MAGI2: variants seen among roughly 807,000 people sequenced by gnomAD.
The protein encoded by MAGI2 is membrane associated guanylate kinase, WW and PDZ domain containing 2, also known as membrane-associated guanylate kinase, WW and PDZ domain-containing protein 2.
A neutral mutation model predicts 133.3 loss-of-function variants in MAGI2; 35 were observed. The observed-to-expected ratio is 0.26, with a 90% confidence interval of 0.20 to 0.35. MAGI2 has a LOEUF of 0.35. Ranked by LOEUF, MAGI2 falls within the 10% of genes least tolerant of loss-of-function variation. MAGI2 has a pLI of 1.00. For synonymous variants in MAGI2, 729 were observed against 710.6 expected (o/e 1.03, Z -0.41); for missense variants, 1,636 against 1,863.4 (o/e 0.88, Z 2.25).
intron 6 of MAGI2, among the ~76,000 whole-genome samples, chr7:78,383,640 G>A (rs556616407): frequency 2.0e-5 from 3 of 151,960 alleles, no homozygotes; most frequent in Non-Finnish European, 4.4e-5. Flanking sequence ...TTTGTTCTCT[G>A]TGCTTTTGAG....
chr7:78,809,927 T>C (rs1200979299), intron 2 of MAGI2, among the ~76,000 whole-genome samples: 1 of 152,162 alleles, frequency 6.6e-6, no homozygotes, highest in Non-Finnish European at 1.5e-5. Context: ...GTAAAGCAAT[T>C]CCTAAATCCT....
chr7:79,090,526 C>G (rs1326242300), intron 1 of MAGI2, among the ~76,000 whole-genome samples: 2 of 152,088 alleles, frequency 1.3e-5, no homozygotes, highest in African/African-American at 2.4e-5. Context: ...AGAACATTTT[C>G]TTAAAGCTTT....
At chr7:78,229,522 G>A (rs78155980) in intron 10 of MAGI2, among the ~76,000 whole-genome samples, 4 of 152,262 alleles carry the variant, frequency 2.6e-5, no homozygotes, top group East Asian at 1.9e-4. Context: ...CAAATGGGGC[G>A]AGCTTCACGT....
At chr7:79,364,316 C>T (rs937796938) in intron 1 of MAGI2, among the ~76,000 whole-genome samples, 2 of 151,916 alleles carry the variant, frequency 1.3e-5, no homozygotes, top group African/African-American at 4.8e-5. Context: ...ATATGTATTA[C>T]ATTTTTAAAA....
chr7:78,339,679 T>C (rs1178009210), intron 9 of MAGI2, among the ~76,000 whole-genome samples: 1 of 152,246 alleles, frequency 6.6e-6, no homozygotes, highest in Non-Finnish European at 1.5e-5. Context: ...GTAATTTTTA[T>C]TGAAACATTT....
intron 2 of MAGI2, among the ~76,000 whole-genome samples, chr7:78,849,070 TCA>T (rs997009302): frequency 6.6e-6 from 1 of 152,098 alleles, no homozygotes; most frequent in Admixed American, 6.6e-5. Context: ...CAAATTTATT[TCA>T]CCTTAAGGAT....
intron 20 of MAGI2, among the ~76,000 whole-genome samples, chr7:78,092,354 C>T (rs567101368): frequency 6.6e-6 from 1 of 152,274 alleles, no homozygotes; most frequent in African/African-American, 2.4e-5. Flanking sequence ...AGTAGCAGTG[C>T]ATCACTATCA....
intron 20 of MAGI2, among the ~76,000 whole-genome samples, chr7:78,110,467 T>G (rs1819244963): frequency 6.6e-6 from 1 of 152,180 alleles, no homozygotes; most frequent in African/African-American, 2.4e-5. Context: ...AATAGGCAGT[T>G]GGAAATTCAG....
At chr7:78,969,407 T>C (rs1803597442) in intron 2 of MAGI2, among the ~76,000 whole-genome samples, 1 of 152,054 alleles carries the variant, frequency 6.6e-6, no homozygotes, top group South Asian at 2.1e-4. Context: ...TCTCCTCTTT[T>C]TTATCTGTTA....
At chr7:79,057,329 G>C (rs906086622) in intron 1 of MAGI2, among the ~76,000 whole-genome samples, 3 of 152,026 alleles carry the variant, frequency 2.0e-5, no homozygotes, top group African/African-American at 7.2e-5. Flanking sequence ...ACTGACCAAG[G>C]TCTCCAAAAT....
At chr7:79,390,017 A>C (rs1183103778) in intron 1 of MAGI2, among the ~76,000 whole-genome samples, 1 of 152,178 alleles carries the variant, frequency 6.6e-6, no homozygotes, top group African/African-American at 2.4e-5. Context: ...TTTTAATGCA[A>C]TCAGTATATA....
At chr7:79,337,837 A>G (rs1288573694) in intron 1 of MAGI2, among the ~76,000 whole-genome samples, 2 of 152,124 alleles carry the variant, frequency 1.3e-5, no homozygotes, top group African/African-American at 4.8e-5. Context: ...CACATGGGTA[A>G]TTGAACCCTT....
chr7:79,173,068 TTAA>T (rs1348125041), intron 1 of MAGI2: 2 of 151,992 alleles, frequency 1.3e-5, no homozygotes, highest in Non-Finnish European at 2.9e-5. Context: ...AGAAAATCAA[TTAA>T]TAAATTATTA....
chr7:79,277,883 A>G (rs1332373975), intron 1 of MAGI2, among the ~76,000 whole-genome samples: 1 of 152,146 alleles, frequency 6.6e-6, no homozygotes, highest in East Asian at 1.9e-4. Context: ...TAGTGTCCCT[A>G]TCTCCCAGTA....
intron 2 of MAGI2, among the ~76,000 whole-genome samples, chr7:78,646,128 CAAGGAGGGAACTTG>C (rs1370061288): frequency 6.6e-6 from 1 of 151,974 alleles, no homozygotes. Context: ...AAAATAGGGT[CAAGGAGGGAACTTG>C]AAGAAGGGTA....
At chr7:78,021,873 A>G (rs548961444) in intron 21 of MAGI2, among the ~76,000 whole-genome samples, 2 of 152,322 alleles carry the variant, frequency 1.3e-5, no homozygotes, top group African/African-American at 4.8e-5. Flanking sequence ...GATGTGAGAC[A>G]TACACTTTCT....
At chr7:79,131,284 A>C (rs1820918268) in intron 1 of MAGI2, among the ~76,000 whole-genome samples, 1 of 152,170 alleles carries the variant, frequency 6.6e-6, no homozygotes, top group Non-Finnish European at 1.5e-5. Flanking sequence ...GTGTTAAGAG[A>C]TTGAATGATA....
rs569248016 is a variant in MAGI2 at position 78,989,717 on chromosome 7, G to A, written c.418+17373C>T. Among the ~76,000 whole-genome samples the A allele has an allele frequency of 2.6e-5, 4 of 152,022 alleles. No individual in the cohort carries two copies. The East Asian group carries it at 7.8e-4, about 30-fold the overall frequency. Reference sequence around the variant, plus strand: ...CTTTCTGCCTTTAAATATATACATAGGGTGAAGAAGTGGGGGAGTAACTGG... The same window carrying A: ...CTTTCTGCCTTTAAATATATACATAAGGTGAAGAAGTGGGGGAGTAACTGG... On this transcript the variant is annotated intron_variant, in intron 2 of 21. Transcript: ENST00000354212.
At chr7:78,305,080 T>C (rs1038198111) in intron 9 of MAGI2, among the ~76,000 whole-genome samples, 9 of 152,214 alleles carry the variant, frequency 5.9e-5, no homozygotes, top group African/African-American at 1.9e-4. Flanking sequence ...AACAACTTTA[T>C]CCTGAGAATT....
Sources: allele counts gnomAD v4.1 joint callset (sites outside exome capture counted in the v4.1 genomes callset), GRCh38; gene constraint gnomAD v4.1.1; transcripts MANE v1.5; gene names NCBI Gene and HGNC (gene_info 2026-07-23, HGNC 2026-07-21).